SLC12A4: variants seen among roughly 807,000 people sequenced by gnomAD.
SLC12A4 encodes the protein electroneutral potassium-chloride cotransporter 1.
SLC12A4 carries 84 observed loss-of-function variants against 119.2 expected under a neutral mutation model. That is an observed-to-expected ratio of 0.70 (90% confidence interval 0.59 to 0.85). SLC12A4 has a LOEUF of 0.85. Among genes scored for constraint, SLC12A4 ranks in the 40% least tolerant of loss-of-function variants. The pLI, the probability that SLC12A4 is intolerant of heterozygous loss-of-function variation, is 0.00. For missense variants in SLC12A4, 1,298 were observed against 1,476.3 expected, an observed-to-expected ratio of 0.88 and a Z score of 1.98; for synonymous variants, 599 against 604.6, an observed-to-expected ratio of 0.99 and a Z score of 0.14.
rs2058325931 is a variant in SLC12A4 at position 67,945,106 on chromosome 16, G to C, written c.3147C>G (p.Asn1049Lys). The change falls in exon 23 of 24, where the codon AAC (asparagine) becomes AAG (lysine). Residue 1049 changes from asparagine (N) to lysine (K), a missense_variant. Transcript: ENST00000316341. ...VLLNMPGPPR[N>K]SEGDENYMEF... ...GGATACAGTTCTCGTCGCCCTCACT[G>C]TTCCTGGGTGGGCCAGGCATGTTTA... 3.1e-6 allele frequency: 5 copies of C among 1,590,098 alleles called. No individual in the cohort carries two copies. Among genetic ancestry groups the C allele is most frequent in the Non-Finnish European group, 4.3e-6 (5 of 1,166,644 alleles).
intron 3 of SLC12A4, among the ~76,000 whole-genome samples, chr16:67,959,864 G>A (rs1209431766): frequency 1.3e-5 from 2 of 152,184 alleles, no homozygotes; most frequent in Non-Finnish European, 1.5e-5. Flanking sequence ...TGGTCTGGTC[G>A]GAGGCCCACC....
In SLC12A4 at chr16:67,946,164, G is replaced by A; in HGVS notation, c.2607+7C>T. On this transcript the variant is annotated splice_region_variant and intron_variant, in intron 19 of 23. Transcript: ENST00000316341. ...CCCCTCTCATCTGCACCCACCCCCT[G>A]GTCTACCTTATGCTGGCGCAGCAGG... 6.2e-7 allele frequency: 1 copy of A among 1,613,802 alleles called. No individual in the cohort carries two copies. Among genetic ancestry groups the A allele is most frequent in the Non-Finnish European group, 8.5e-7 (1 of 1,179,982 alleles).
intron 6 of SLC12A4, among the ~76,000 whole-genome samples, chr16:67,953,204 T>G (rs914376292): frequency 3.3e-5 from 5 of 151,404 alleles, no homozygotes; most frequent in African/African-American, 4.9e-5. Context: ...CCAGGCAACT[T>G]GGTGAAACCT....
At position 67,950,224 on chromosome 16, in the gene SLC12A4, G is replaced by A. The variant is rs2058398035; in HGVS notation, c.1629+95C>T. The A allele has an allele frequency of 2.7e-6, 4 of 1,454,844 alleles. No individual in the cohort carries two copies. The highest frequency in any genetic ancestry group is 3.7e-6 in the Non-Finnish European group (4 of 1,071,998). The allele number at this position is 1,454,844 out of a possible 1,614,324, so 90.1% of individuals were successfully genotyped here. A position where few individuals can be genotyped will look rare whatever the true frequency, so the allele number is the denominator to read the frequency against. The stretch of plus-strand genomic sequence containing the variant: ...CCGCCTGGCCCCGGGGGCCAATAAG[G>A]GCAGGACGTGCTGCATCTGTGTTCC... On this transcript the variant is annotated intron_variant, in intron 12 of 23. Transcript: ENST00000316341. The surrounding 1 kb of genome is among the most constrained non-coding windows in gnomAD (Gnocchi z 4.3).
chr16:67,958,776 G>A (rs2030410077), intron 3 of SLC12A4, among the ~76,000 whole-genome samples: 1 of 152,036 alleles, frequency 6.6e-6, no homozygotes, highest in Admixed American at 6.6e-5. Context: ...GAATGTGCTG[G>A]ACTCTGCCTG....
At chr16:67,945,732 C>A in intron 21 of SLC12A4, 32 bp downstream of exon 21, 1 of 1,595,766 alleles carries the variant, frequency 6.3e-7, no homozygotes, top group Non-Finnish European at 8.6e-7. Context: ...ACCCTGCCAC[C>A]CGCCCTGGCG....
rs1453460056 is a variant in SLC12A4 at position 67,948,096 on chromosome 16, G to A, written c.1812C>T (p.Thr604=). 6.2e-7 allele frequency: 1 copy of A among 1,613,248 alleles called. No individual in the cohort carries two copies. The highest frequency in any genetic ancestry group is 8.5e-7 in the Non-Finnish European group (1 of 1,180,008). ...ACTTGAACCGGGGCCGCCAGTTGGGGGTCCTCAGGAGTGTCTGCACCGCAC... is the reference window on the plus strand; with the variant it reads ...ACTTGAACCGGGGCCGCCAGTTGGGAGTCCTCAGGAGTGTCTGCACCGCAC... ...LACAVQTLLR[T]PNWRPRFKYY... is the part of the protein sequence containing the mutation. The change falls in exon 14 of 24, where the codon ACC becomes ACT. Residue 604 remains threonine, a synonymous_variant. Coordinates refer to ENST00000316341, the MANE Select transcript of SLC12A4 (RefSeq NM_005072.5).
At chr16:67,961,198 T>C (rs1473914412) in intron 3 of SLC12A4, among the ~76,000 whole-genome samples, 2 of 152,212 alleles carry the variant, frequency 1.3e-5, no homozygotes, top group Non-Finnish European at 2.9e-5. Context: ...AGTTCCTTAA[T>C]GTCCCTGACA....
intron 14 of SLC12A4, 71 bp downstream of exon 14, chr16:67,947,990 G>T: frequency 1.3e-6 from 2 of 1,552,158 alleles, no homozygotes; most frequent in South Asian, 1.1e-5. Flanking sequence ...CCCTACCCAG[G>T]AAACCCAAGC....
rs770131285 is a variant in SLC12A4 at position 67,947,123 on chromosome 16, G to A, written c.2073-18C>T. 8 of 1,568,426 alleles carry A rather than the reference G, an allele frequency of 5.1e-6. No homozygotes were observed. The highest frequency in any genetic ancestry group is 6.9e-6 in the Non-Finnish European group (8 of 1,161,302). On this transcript the variant is annotated intron_variant, in intron 16 of 23. Transcript: ENST00000316341. ...GCTGCGGCCTGCAGTGGCCGGGTGG[G>A]GGGAGCCTGAGACCAGGGCCGGCCG...
In SLC12A4 at chr16:67,965,890, G is replaced by A. The variant is rs530368293; in HGVS notation, c.116-2331C>T. Among the ~76,000 whole-genome samples, 221 of 152,316 alleles carry A rather than the reference G, an allele frequency of 1.5e-3. 2 individuals carry two copies. The highest frequency in any genetic ancestry group is 2.5e-3 in the Non-Finnish European group (169 of 68,032). ...ATGTTCAGAGGCAAGGTCACCCAGGGAGAAGGCCACATCTGGGTCCCAGGG... is the reference window on the plus strand; with the variant it reads ...ATGTTCAGAGGCAAGGTCACCCAGGAAGAAGGCCACATCTGGGTCCCAGGG... On this transcript the variant is annotated intron_variant, in intron 1 of 23. Coordinates refer to ENST00000316341, the MANE Select transcript of SLC12A4 (RefSeq NM_005072.5).
chr16:67,964,747 C>A (rs2030783636), intron 1 of SLC12A4, among the ~76,000 whole-genome samples: 1 of 152,182 alleles, frequency 6.6e-6, no homozygotes, highest in South Asian at 2.1e-4. Flanking sequence ...GCCCGCCAAC[C>A]TTTTCTGTTT....
At chr16:67,964,089 A>G in intron 1 of SLC12A4, 1 of 1,526,170 alleles carries the variant, frequency 6.6e-7, no homozygotes, top group Non-Finnish European at 8.9e-7. Context: ...CCTGCAGGGC[A>G]GCCCGGGGCA....
intron 1 of SLC12A4, among the ~76,000 whole-genome samples, chr16:67,967,965 T>C (rs1418839328): frequency 1.3e-5 from 2 of 151,490 alleles, no homozygotes; most frequent in Non-Finnish European, 2.9e-5. Context: ...CTGGCCAGAG[T>C]GCAGGTAGGC....
Position 67,951,459 on chromosome 16 carries a change from C to A in SLC12A4, c.1133-155G>T, listed in dbSNP as rs1372110675. The A allele has an allele frequency of 9.7e-6, 8 of 826,960 alleles. No individual in the cohort carries two copies. The highest frequency in any genetic ancestry group is 1.3e-5 in the Non-Finnish European group (7 of 542,350). 51.2% of individuals were successfully genotyped at this position (826,960 alleles called of 1,614,324 possible). ...AGCGTCAGCCACAGGGCTACCCTGACCACAGAGAAGGAGCTGCCCAGCTAG... is the reference window on the plus strand; with the variant it reads ...AGCGTCAGCCACAGGGCTACCCTGAACACAGAGAAGGAGCTGCCCAGCTAG... On this transcript the variant is annotated intron_variant, in intron 8 of 23. Coordinates refer to ENST00000316341, the MANE Select transcript of SLC12A4 (RefSeq NM_005072.5). The surrounding 1 kb of genome is among the most constrained non-coding windows in gnomAD (Gnocchi z 5.2).
intron 6 of SLC12A4, among the ~76,000 whole-genome samples, 161 bp from the exon 7 acceptor site, chr16:67,952,586 G>C (rs895859623): frequency 6.6e-6 from 1 of 151,466 alleles, no homozygotes; most frequent in Non-Finnish European, 1.5e-5. Flanking sequence ...ATCACTTGAG[G>C]TCAGGAGATC....
At chr16:67,954,528 A>G (rs2030136637) in intron 6 of SLC12A4, 115 bp downstream of exon 6, 4 of 1,308,646 alleles carry the variant, frequency 3.1e-6, no homozygotes, top group African/African-American at 1.5e-5. Context: ...TTCCTACTTT[A>G]TAATACCCAG....
chr16:67,961,099 C>T (rs545330393), intron 3 of SLC12A4, among the ~76,000 whole-genome samples: 15 of 152,190 alleles, frequency 9.9e-5, no homozygotes, highest in African/African-American at 3.6e-4. Context: ...TGCATAGTTA[C>T]ATATCCCACA....
chr16:67,952,300 AAAC>A lies in SLC12A4; in HGVS notation c.798_800del (p.Phe267del). The A allele has an allele frequency of 6.2e-7, 1 of 1,614,148 alleles. No homozygotes were observed. The highest frequency in any genetic ancestry group is 1.1e-5 in the South Asian group (1 of 91,090). ...ATTTGTTCACATACTTGACCCCCACAAACACCACCAGGGTCATGAAGGTCAGGA... is the reference window on the plus strand; with the variant it reads ...ATTTGTTCACATACTTGACCCCCACAACCACCAGGGTCATGAAGGTCAGGA... On this transcript the variant is annotated inframe_deletion, in exon 7 of 24. Transcript: ENST00000316341.
Sources: allele counts gnomAD v4.1 joint callset (sites outside exome capture counted in the v4.1 genomes callset), GRCh38; gene constraint gnomAD v4.1.1; non-coding constraint Gnocchi (gnomAD v3.1); transcripts MANE v1.5; gene names NCBI Gene and HGNC (gene_info 2026-07-23, HGNC 2026-07-21).